The following RPAP2 variants were observed in gnomAD, a reference collection of about 807,000 sequenced individuals.
RPAP2 encodes putative RNA polymerase II subunit B1 CTD phosphatase RPAP2.
In RPAP2, 52 loss-of-function variants were observed where a neutral mutation model predicts 73.1. The ratio of observed to expected loss-of-function variants is 0.71; its 90% CI spans 0.57 to 0.90. RPAP2 has a LOEUF of 0.90. RPAP2 is among the 40% of genes least tolerant of loss of function. RPAP2 has a pLI of 0.00. For synonymous variants in RPAP2, 225 were observed against 242.1 expected (o/e 0.93, Z 0.65); for missense variants, 598 against 701.8 (o/e 0.85, Z 1.67).
intron 11 of RPAP2, among the ~76,000 whole-genome samples, chr1:92,371,972 T>C (rs1324593398): frequency 6.6e-6 from 1 of 151,884 alleles, no homozygotes; most frequent in Non-Finnish European, 1.5e-5. Context: ...TAGCCATTAT[T>C]ATCATCATCA....
intron 11 of RPAP2, among the ~76,000 whole-genome samples, chr1:92,348,463 G>C (rs1449539940): frequency 6.6e-6 from 1 of 151,980 alleles, no homozygotes. Context: ...TCTAACTTTT[G>C]CTCTAGGCCT....
At chr1:92,330,497 G>T (rs1413663104) in intron 8 of RPAP2, among the ~76,000 whole-genome samples, 2 of 130,796 alleles carry the variant, frequency 1.5e-5, no homozygotes, top group South Asian at 5.0e-4. Context: ...GCCCAGTCTG[G>T]AGTGCAATGG....
At chr1:92,307,607 A>G in intron 6 of RPAP2, among the ~76,000 whole-genome samples, 1 of 152,206 alleles carries the variant, frequency 6.6e-6, no homozygotes, top group Non-Finnish European at 1.5e-5. Flanking sequence ...TTCAGAAGTT[A>G]CTGGGTCTTA....
chr1:92,316,194 G>A (rs1651894603), intron 6 of RPAP2, among the ~76,000 whole-genome samples: 1 of 152,100 alleles, frequency 6.6e-6, no homozygotes, highest in African/African-American at 2.4e-5. Flanking sequence ...AGCTAAAAGC[G>A]CCATCATCTG....
intron 11 of RPAP2, among the ~76,000 whole-genome samples, chr1:92,373,744 A>T (rs866859378): frequency 5.8e-4 from 71 of 123,290 alleles, no homozygotes; most frequent in African/African-American, 2.8e-3. Flanking sequence ...AAAAATAAAA[A>T]AAAAAAAAAA....
intron 8 of RPAP2, among the ~76,000 whole-genome samples, chr1:92,330,893 C>T (rs959247830): frequency 2.0e-5 from 3 of 152,134 alleles, no homozygotes; most frequent in Non-Finnish European, 4.4e-5. Context: ...GTTAGAAATG[C>T]AGACTCTTAT....
At chr1:92,350,234 A>G (rs911047647) in intron 11 of RPAP2, among the ~76,000 whole-genome samples, 3 of 152,242 alleles carry the variant, frequency 2.0e-5, no homozygotes, top group East Asian at 1.9e-4. Context: ...CTTAAGCACT[A>G]TACATTTATG....
At chr1:92,368,043 G>A (rs1557627155) in intron 11 of RPAP2, among the ~76,000 whole-genome samples, 1 of 152,184 alleles carries the variant, frequency 6.6e-6, no homozygotes, top group Non-Finnish European at 1.5e-5. Flanking sequence ...AATTCAGATT[G>A]TGGAGCTACA....
Position 92,395,635 on chromosome 1 carries a change from C to CA in RPAP2, c.*8647dup, listed in dbSNP as rs3041650. On this transcript the variant is annotated 3_prime_UTR_variant, in exon 13 of 13. Transcript: ENST00000610020. ...TGGGTGACAGAGTGAGACCCTGTCT[C>CA]AAAAAAAAAAAAAAAAAAAAAAATT... 677 of 95,562 alleles carry CA rather than the reference C, an allele frequency of 7.1e-3. 4 individuals are homozygous for CA. The highest frequency in any genetic ancestry group is 0.018 in the East Asian group (55 of 3,010). The allele number at this position is 95,562 out of a possible 1,614,324, so 5.9% of individuals were successfully genotyped here.
At chr1:92,322,778 G>A (rs946437903) in intron 7 of RPAP2, among the ~76,000 whole-genome samples, 10 of 151,516 alleles carry the variant, frequency 6.6e-5, no homozygotes, top group Non-Finnish European at 1.3e-4. Context: ...TTGGGAGGCC[G>A]AGGTGGGAGA....
chr1:92,325,222 T>C (rs1439855313), intron 8 of RPAP2, among the ~76,000 whole-genome samples: 1 of 152,162 alleles, frequency 6.6e-6, no homozygotes, highest in East Asian at 1.9e-4. Flanking sequence ...AATAACCTTG[T>C]TTTTACCACA....
At chr1:92,385,831 G>A (rs1399797574) in intron 12 of RPAP2, among the ~76,000 whole-genome samples, 2 of 152,232 alleles carry the variant, frequency 1.3e-5, no homozygotes, top group Non-Finnish European at 2.9e-5. Context: ...GAATCTAGGT[G>A]CAGTTGAACT....
At chr1:92,314,938 G>A (rs899472738) in intron 6 of RPAP2, among the ~76,000 whole-genome samples, 1 of 151,906 alleles carries the variant, frequency 6.6e-6, no homozygotes, top group Non-Finnish European at 1.5e-5. Flanking sequence ...CCAGCTACTC[G>A]GGAGGCTGAG....
chr1:92,368,157 G>A (rs1483164519), intron 11 of RPAP2, among the ~76,000 whole-genome samples: 2 of 152,034 alleles, frequency 1.3e-5, no homozygotes. Flanking sequence ...GGCCACAGTG[G>A]GTCACAAGGT....
rs748697080 is a variant in RPAP2, at chr1:92,387,954, C to T, written c.*943C>T. On this transcript the variant is annotated 3_prime_UTR_variant, in exon 13 of 13. Coordinates refer to ENST00000610020, the MANE Select transcript of RPAP2 (RefSeq NM_024813.3). ...AAACTAAATTTTATCTCTGTATGGG[C>T]AAAGGCTACTGTCATCCTGTTGTTG... 1 of 152,162 alleles carries T rather than the reference C, an allele frequency of 6.6e-6. No homozygotes were observed. Among genetic ancestry groups the T allele is most frequent in the Non-Finnish European group, 1.5e-5 (1 of 68,020 alleles). 9.4% of individuals were successfully genotyped at this position (152,162 alleles called of 1,614,324 possible).
rs146949192 is a variant in RPAP2, at chr1:92,381,538, T to C, written c.1838+665T>C. On this transcript the variant is annotated intron_variant, in intron 12 of 12. Coordinates refer to ENST00000610020, the MANE Select transcript of RPAP2 (RefSeq NM_024813.3). Reference sequence around the variant, plus strand: ...GATAGGTACTGATTTAATGTTATAATTGAGGAAATTCATCCTAAGCTACAA... The same window carrying C: ...GATAGGTACTGATTTAATGTTATAACTGAGGAAATTCATCCTAAGCTACAA... Among the ~76,000 whole-genome samples the C allele has an allele frequency of 3.0e-3, 455 of 151,988 alleles. 3 individuals carry two copies. Among genetic ancestry groups the C allele is most frequent in the Non-Finnish European group, 3.1e-3 (208 of 67,958 alleles).
chr1:92,342,579 G>C (rs567707927), intron 10 of RPAP2, among the ~76,000 whole-genome samples: 61 of 152,308 alleles, frequency 4.0e-4, no homozygotes, highest in African/African-American at 1.4e-3. Flanking sequence ...CTGCCAAGTT[G>C]ATAATTACAA....
At chr1:92,317,233 G>T (rs1029902403) in intron 6 of RPAP2, among the ~76,000 whole-genome samples, 1 of 152,174 alleles carries the variant, frequency 6.6e-6, no homozygotes, top group African/African-American at 2.4e-5. Context: ...TGAAGGCTCG[G>T]TGCGGTGGCT....
chr1:92,307,480 G>T (rs1159868886), intron 6 of RPAP2, among the ~76,000 whole-genome samples: 2 of 152,078 alleles, frequency 1.3e-5, no homozygotes, highest in Admixed American at 1.3e-4. Context: ...AATGTTATTT[G>T]TTTGTTGTTT....
Sources: gnomAD v4.1 joint callset for allele counts (sites outside exome capture counted in the v4.1 genomes callset) on GRCh38, gnomAD v4.1.1 for gene constraint, MANE v1.5 for transcripts, NCBI Gene and HGNC (gene_info 2026-07-23, HGNC 2026-07-21) for gene names.